GALNT5: variants seen among roughly 807,000 people sequenced by gnomAD.
The protein encoded by GALNT5 is polypeptide N-acetylgalactosaminyltransferase 5, also known as UDP-GalNAc:polypeptide N-acetylgalactosaminyltransferase 5.
A neutral mutation model predicts 85.4 loss-of-function variants in GALNT5; 72 were observed. The ratio of observed to expected loss-of-function variants is 0.84; its 90% CI spans 0.70 to 1.03. The LOEUF (loss-of-function observed/expected upper bound fraction) is 1.03. Ranked by LOEUF, GALNT5 falls within the 50% of genes least tolerant of loss-of-function variation. The probability of loss-of-function intolerance (pLI) is 0.00; values close to 1 mark genes in which losing one functional copy is unlikely to be tolerated. For missense variants in GALNT5, 1,137 were observed against 1,135.5 expected (o/e 1.00, Z -0.02); for synonymous variants, 404 against 397.0 (o/e 1.02, Z -0.21).
Position 157,311,312 on chromosome 2 carries a change from T to A in GALNT5, c.2787T>A (p.Tyr929Ter). ...CTGCCTGTGACCCAGTGAAGCCATA[T>A]CAAAAGTGGAAATTTGAAAAATATT... ...KVAACDPVKP[Y>*]QKWKFEKYYE... is the part of the protein sequence containing the mutation. The change falls in exon 10 of 10, where the codon TAT (tyrosine) becomes TAA (stop). Residue 929 changes from tyrosine to a stop codon, truncating the protein, a stop_gained. Transcript: ENST00000259056. LOFTEE classifies it high-confidence loss of function. 1.2e-6 allele frequency: 2 copies of A among 1,609,926 alleles called. No homozygotes were observed. Among genetic ancestry groups the A allele is most frequent in the South Asian group, 1.1e-5 (1 of 90,224 alleles).
intron 1 of GALNT5, among the ~76,000 whole-genome samples, chr2:157,282,124 C>T (rs1682868629): frequency 6.6e-6 from 1 of 152,152 alleles, no homozygotes; most frequent in Non-Finnish European, 1.5e-5. Flanking sequence ...TTTAAGTTAG[C>T]ATTAGATACC....
rs1490160557 is a variant in GALNT5 at position 157,316,564 on chromosome 2, AC to A, written c.*5217del. 6.6e-6 allele frequency among the ~76,000 whole-genome samples: 1 copy of A among 152,182 alleles called. No individual in the cohort carries two copies. Among genetic ancestry groups the A allele is most frequent in the Admixed American group, 6.6e-5 (1 of 15,252 alleles). On this transcript the variant is annotated 3_prime_UTR_variant, in exon 10 of 10. Coordinates refer to ENST00000259056, the MANE Select transcript of GALNT5 (RefSeq NM_014568.3). ...TTGTCACTACTGTGCTTTTGCAACA[AC>A]TTTTGCATGGGTTACTCAATAGTTG...
intron 1 of GALNT5, among the ~76,000 whole-genome samples, chr2:157,277,622 A>G (rs1682762944): frequency 1.3e-5 from 2 of 152,106 alleles, no homozygotes; most frequent in Non-Finnish European, 2.9e-5. Flanking sequence ...AGTCTGTTTT[A>G]TCAGAGACTA....
At chr2:157,275,231 G>T (rs1466511302) in intron 1 of GALNT5, among the ~76,000 whole-genome samples, 1 of 152,128 alleles carries the variant, frequency 6.6e-6, no homozygotes. Context: ...GGTTACTGCG[G>T]CCTTGTAGTA....
At chr2:157,290,087 G>GTATATATATATATATATATA (rs55861093) in intron 3 of GALNT5, among the ~76,000 whole-genome samples, 3 of 131,660 alleles carry the variant, frequency 2.3e-5, no homozygotes, top group African/African-American at 1.0e-4. Flanking sequence ...AAAAAAAAAT[G>GTATATATATATATATATATA]TATATATATA....
intron 6 of GALNT5, among the ~76,000 whole-genome samples, chr2:157,300,079 C>T (rs1415712364): frequency 1.3e-5 from 2 of 152,162 alleles, no homozygotes; most frequent in African/African-American, 4.8e-5. Context: ...AAGCAGGTCA[C>T]CAACAGGTCA....
intron 1 of GALNT5, among the ~76,000 whole-genome samples, chr2:157,265,461 GA>G (rs1280623235): frequency 6.6e-6 from 1 of 152,174 alleles, no homozygotes; most frequent in African/African-American, 2.4e-5. Context: ...CTAATTAATA[GA>G]AAACAGAAAT....
intron 8 of GALNT5, 127 bp downstream of exon 8, chr2:157,305,956 G>C (rs924802644): frequency 3.2e-6 from 2 of 619,078 alleles, no homozygotes; most frequent in African/African-American, 1.9e-5. Flanking sequence ...TGTAAAAAGA[G>C]AGTCCACCAC....
chr2:157,265,762 G>A (rs1300334784), intron 1 of GALNT5, among the ~76,000 whole-genome samples: 1 of 152,130 alleles, frequency 6.6e-6, no homozygotes, highest in African/African-American at 2.4e-5. Flanking sequence ...AGAAAATTCA[G>A]GGAAAATAGC....
chr2:157,307,235 G>A (rs1683473952), intron 8 of GALNT5, among the ~76,000 whole-genome samples: 1 of 152,012 alleles, frequency 6.6e-6, no homozygotes, highest in Non-Finnish European at 1.5e-5. Context: ...GTTTGCTTGG[G>A]TAATAAAAAG....
At chr2:157,297,796 G>C (rs1387962957) in intron 5 of GALNT5, among the ~76,000 whole-genome samples, 1 of 152,148 alleles carries the variant, frequency 6.6e-6, no homozygotes, top group Non-Finnish European at 1.5e-5. Flanking sequence ...AGCTGGCTGA[G>C]TGGTGACCAC....
intron 1 of GALNT5, among the ~76,000 whole-genome samples, chr2:157,264,148 T>C (rs1003470787): frequency 1.8e-4 from 27 of 149,886 alleles, no homozygotes; most frequent in African/African-American, 6.3e-4. Flanking sequence ...TTGAAGTTTG[T>C]TTCTGTCAGC....
rs183343742 is a variant in GALNT5, at chr2:157,278,116, A to C, written c.1455-6166A>C. ...GGCTGGATATGAAATTCTGGGTTGA[A>C]AGTTCTTTTCTTTAAGAATGTTGAA... On this transcript the variant is annotated intron_variant, in intron 1 of 9. Transcript: ENST00000259056. Among the ~76,000 whole-genome samples, 399 of 152,270 alleles carry C rather than the reference A, an allele frequency of 2.6e-3. 2 individuals carry two copies. The highest frequency in any genetic ancestry group is 4.1e-3 in the Non-Finnish European group (279 of 68,020).
intron 7 of GALNT5, among the ~76,000 whole-genome samples, chr2:157,303,941 G>A (rs1225398077): frequency 6.6e-6 from 1 of 152,214 alleles, no homozygotes; most frequent in Non-Finnish European, 1.5e-5. Flanking sequence ...CATTCTGACA[G>A]CAAGCTGAAC....
chr2:157,317,864 T>C lies in GALNT5; in HGVS notation c.*6516T>C, dbSNP rs1450792676. Among the ~76,000 whole-genome samples the C allele has an allele frequency of 1.3e-5, 2 of 152,146 alleles. No individual in the cohort carries two copies. The highest frequency in any genetic ancestry group is 1.3e-4 in the Admixed American group (2 of 15,254). On this transcript the variant is annotated 3_prime_UTR_variant, in exon 10 of 10. Coordinates refer to ENST00000259056, the MANE Select transcript of GALNT5 (RefSeq NM_014568.3). ...TTGTATTGATTGCCTGGCTCAGTTA[T>C]CTCATGTTCTTCATGAACTATATAC... is the stretch of plus-strand genomic sequence containing the variant.
At chr2:157,292,551 G>T (rs1195861545) in intron 3 of GALNT5, among the ~76,000 whole-genome samples, 1 of 152,176 alleles carries the variant, frequency 6.6e-6, no homozygotes, top group African/African-American at 2.4e-5. Context: ...GGAAGTGAAT[G>T]CAGGTTTGGG....
chr2:157,301,558 T>C (rs1451402735), intron 7 of GALNT5: 1 of 155,170 alleles, frequency 6.4e-6, no homozygotes, highest in Admixed American at 6.2e-5. Flanking sequence ...ATCCAAGCAC[T>C]GGAAAGAAGA....
chr2:157,305,953 AG>A (rs1683446612), intron 8 of GALNT5, 124 bp downstream of exon 8: 1 of 628,860 alleles, frequency 1.6e-6, no homozygotes, highest in Admixed American at 3.0e-5. Flanking sequence ...CTTTGTAAAA[AG>A]AGAGTCCACC....
intron 5 of GALNT5, 27 bp from the exon 6 acceptor site, chr2:157,299,521 T>G: frequency 7.1e-7 from 1 of 1,409,738 alleles, no homozygotes; most frequent in African/African-American, 1.4e-5. Flanking sequence ...AGATGCAAGT[T>G]TAAAAAACAA....
Sources: gnomAD v4.1 joint callset for allele counts (sites outside exome capture counted in the v4.1 genomes callset) on GRCh38, gnomAD v4.1.1 for gene constraint, MANE v1.5 for transcripts, NCBI Gene and HGNC (gene_info 2026-07-23, HGNC 2026-07-21) for gene names.